Variants in ARMC8 observed in about 807,000 individuals in gnomAD.
The protein encoded by ARMC8 is armadillo repeat-containing protein 8.
Under a neutral mutation model 99.3 loss-of-function variants are expected in ARMC8, and 20 were observed. The ratio of observed to expected loss-of-function variants is 0.20; its 90% CI spans 0.14 to 0.29. The LOEUF is 0.29. Among genes scored for constraint, ARMC8 ranks in the 10% least tolerant of loss-of-function variants. The pLI, the probability that ARMC8 is intolerant of heterozygous loss-of-function variation, is 1.00. For synonymous variants in ARMC8, 263 were observed against 278.3 expected, an observed-to-expected ratio of 0.95 and a Z score of 0.55; for missense variants, 569 against 809.5, an observed-to-expected ratio of 0.70 and a Z score of 3.60.
intron 8 of ARMC8, 21 bp from the exon 9 acceptor site, chr3:138,237,461 T>G: frequency 6.2e-7 from 1 of 1,612,112 alleles, no homozygotes; most frequent in South Asian, 1.1e-5. Context: ...CCTTAATCAT[T>G]GTTGTTTGTT....
In ARMC8 at chr3:138,201,436, CTTTTTTTTTTTTTTTTTTTTT is replaced by C. The variant is rs58707271; in HGVS notation, c.46-8360_46-8340del. On this transcript the variant is annotated intron_variant, in intron 1 of 21. Transcript: ENST00000469044. The stretch of plus-strand genomic sequence containing the variant: ...TAGAGTCCTTGTCTTCTTCCCCTCC[CTTTTTTTTTTTTTTTTTTTTT>C]TTTTTTTTTTTTTTTTTTTTCCTGA... Among the ~76,000 whole-genome samples the C allele has an allele frequency of 5.8e-4, 38 of 64,994 alleles. No homozygotes were observed. The South Asian group carries it at 8.9e-3, about 15-fold the overall frequency. 42.6% of individuals were successfully genotyped at this position (64,994 alleles called of 152,430 possible). A position where few individuals can be genotyped will look rare whatever the true frequency, so the allele number is the denominator to read the frequency against.
intron 1 of ARMC8, among the ~76,000 whole-genome samples, chr3:138,205,567 C>G (rs1055914582): frequency 1.3e-5 from 2 of 152,186 alleles, no homozygotes; most frequent in South Asian, 4.1e-4. Flanking sequence ...TTCCTAGTCT[C>G]CCTACTTTTG....
At chr3:138,236,975 G>A (rs1167688635) in intron 7 of ARMC8, among the ~76,000 whole-genome samples, 1 of 152,042 alleles carries the variant, frequency 6.6e-6, no homozygotes, top group Non-Finnish European at 1.5e-5. Context: ...TATTCGCTTT[G>A]AAAGCCACTT....
intron 19 of ARMC8, among the ~76,000 whole-genome samples, chr3:138,286,235 G>A (rs766707762): frequency 1.3e-4 from 20 of 152,092 alleles, no homozygotes; most frequent in African/African-American, 3.6e-4. Flanking sequence ...GAGCCACTGC[G>A]CCCAACCTTC....
At chr3:138,252,735 T>A (rs1488524426) in intron 12 of ARMC8, among the ~76,000 whole-genome samples, 3 of 26,580 alleles carry the variant, frequency 1.1e-4, no homozygotes, top group Non-Finnish European at 2.2e-4. Flanking sequence ...ATTACAGGCG[T>A]GAGCCACCCC....
chr3:138,242,031 T>C, intron 11 of ARMC8, 48 bp downstream of exon 11: 1 of 1,525,420 alleles, frequency 6.6e-7, no homozygotes, highest in Non-Finnish European at 9.1e-7. Context: ...TTTTCTAAAG[T>C]TTTTCTTACT....
intron 7 of ARMC8, among the ~76,000 whole-genome samples, chr3:138,235,798 CTTTTTTTTTTTT>C (rs71146120): frequency 1.2e-5 from 1 of 80,540 alleles, no homozygotes; most frequent in Non-Finnish European, 2.3e-5. Context: ...TCCTTTTAGT[CTTTTTTTTTTTT>C]TTTTTTTTTT....
At chr3:138,291,166 C>T (rs904270313) in intron 21 of ARMC8, among the ~76,000 whole-genome samples, 1 of 152,178 alleles carries the variant, frequency 6.6e-6, no homozygotes, top group Non-Finnish European at 1.5e-5. Context: ...GTGTGTTCTC[C>T]CTTGTAACAG....
At position 138,187,428 on chromosome 3, in the gene ARMC8, G is replaced by C. The variant is rs139877189; in HGVS notation, c.-127G>C. 2.2e-6 allele frequency: 2 copies of C among 922,204 alleles called. No individual in the cohort carries two copies. Among genetic ancestry groups the C allele is most frequent in the Non-Finnish European group, 3.3e-6 (2 of 603,288 alleles). The allele number at this position is 922,204 out of a possible 1,614,324, so 57.1% of individuals were successfully genotyped here. ...CTTTCCGGTACTTGAGCGGTGTCCA[G>C]AGCGTGGCCAGTTCTCGTCTATCTG... On this transcript the variant is annotated 5_prime_UTR_variant, in exon 1 of 22. Coordinates refer to ENST00000469044, the MANE Select transcript of ARMC8 (RefSeq NM_001363941.2).
At chr3:138,250,104 A>C (rs1473944595) in intron 12 of ARMC8, among the ~76,000 whole-genome samples, 1 of 152,198 alleles carries the variant, frequency 6.6e-6, no homozygotes, top group Non-Finnish European at 1.5e-5. Flanking sequence ...AGTGAGATTA[A>C]AAAAAATTTT....
intron 11 of ARMC8, among the ~76,000 whole-genome samples, chr3:138,244,231 C>A (rs1398993208): frequency 1.3e-5 from 2 of 151,968 alleles, no homozygotes; most frequent in African/African-American, 4.8e-5. Flanking sequence ...TAAGCATTTT[C>A]ACAATGGGTT....
At position 138,209,868 on chromosome 3, in the gene ARMC8, C is replaced by A. The variant is rs2044597471; in HGVS notation, c.97C>A (p.Pro33Thr). 2.5e-6 allele frequency: 4 copies of A among 1,613,742 alleles called. No individual in the cohort carries two copies. The highest frequency in any genetic ancestry group is 3.4e-6 in the Non-Finnish European group (4 of 1,179,750). Residue 33 changes from proline (P) to threonine (T), a missense_variant, in exon 2 of 22, where the codon CCC (proline) becomes ACC (threonine). This residue lies in a region of ARMC8 where 342 missense variants were observed against 391.6 expected (regional missense o/e 0.87). Transcript: ENST00000469044. The stretch of plus-strand genomic sequence containing the variant: ...TGTTGACAGGCTATTTGACCCTGAT[C>A]CCCAGAAAGTTCTACAAGGTGTCAT... ...HYVDRLFDPD[P>T]QKVLQGVIDM...
intron 12 of ARMC8, chr3:138,262,637 G>T: frequency 6.6e-7 from 1 of 1,510,712 alleles, no homozygotes; most frequent in South Asian, 1.3e-5. Flanking sequence ...CCCTGACCCT[G>T]GAGAATCTAA....
chr3:138,196,293 G>A (rs1313832659), intron 1 of ARMC8, among the ~76,000 whole-genome samples: 4 of 152,132 alleles, frequency 2.6e-5, no homozygotes, highest in Non-Finnish European at 5.9e-5. Flanking sequence ...TGTTAGGGGA[G>A]TAAGTAGGAA....
intron 2 of ARMC8, among the ~76,000 whole-genome samples, chr3:138,211,848 G>T (rs540325448): frequency 5.1e-4 from 78 of 152,220 alleles, no homozygotes; most frequent in African/African-American, 1.8e-3. Context: ...TGTCTGATAC[G>T]TTGTGGATCA....
chr3:138,229,532 A>G (rs2045930393), intron 6 of ARMC8, among the ~76,000 whole-genome samples: 1 of 152,026 alleles, frequency 6.6e-6, no homozygotes, highest in African/African-American at 2.4e-5. Flanking sequence ...TAATTTTACC[A>G]CATTTTTAAA....
chr3:138,256,641 A>C (rs1356488385), intron 12 of ARMC8, among the ~76,000 whole-genome samples: 1 of 151,080 alleles, frequency 6.6e-6, no homozygotes, highest in African/African-American at 2.4e-5. Context: ...CGATGTCCCG[A>C]CCTCGTGATC....
At position 138,295,915 on chromosome 3, in the gene ARMC8, C is replaced by T. The variant is rs762959716; in HGVS notation, c.*23C>T. ...TGATGGGAGTGCCCCTGGGCACCTGCGAGCATCCCACCTCCTTGTTTAAGG... is the reference window on the plus strand; with the variant it reads ...TGATGGGAGTGCCCCTGGGCACCTGTGAGCATCCCACCTCCTTGTTTAAGG... On this transcript the variant is annotated 3_prime_UTR_variant, in exon 22 of 22. Coordinates refer to ENST00000469044, the MANE Select transcript of ARMC8 (RefSeq NM_001363941.2). 2.5e-5 allele frequency: 40 copies of T among 1,611,986 alleles called. No individual in the cohort carries two copies. Among genetic ancestry groups the T allele is most frequent in the Middle Eastern group, 1.6e-4 (1 of 6,078 alleles).
chr3:138,252,878 C>T (rs1304342629), intron 12 of ARMC8, among the ~76,000 whole-genome samples: 1 of 151,710 alleles, frequency 6.6e-6, no homozygotes, highest in Non-Finnish European at 1.5e-5. Flanking sequence ...GAGGGAGAAG[C>T]CAGTTGTCTG....
Sources: allele counts gnomAD v4.1 joint callset (sites outside exome capture counted in the v4.1 genomes callset), GRCh38; gene constraint gnomAD v4.1.1; regional missense constraint gnomAD v4.1.1; transcripts MANE v1.5; gene names NCBI Gene and HGNC (gene_info 2026-07-23, HGNC 2026-07-21).